SGK1: variants seen among roughly 807,000 people sequenced by gnomAD.
SGK1 encodes serine/threonine-protein kinase Sgk1.
A neutral mutation model predicts 64.2 loss-of-function variants in SGK1; 26 were observed. That is an observed-to-expected ratio of 0.40 (90% CI 0.30 to 0.56). SGK1 has a LOEUF of 0.56. Among genes scored for constraint, SGK1 ranks in the 20% least tolerant of loss-of-function variants. The pLI, the probability that SGK1 is intolerant of heterozygous loss-of-function variation, is 0.38. For missense variants in SGK1, 519 were observed against 645.6 expected (o/e 0.80, Z 2.12); for synonymous variants, 265 against 239.7 (o/e 1.11, Z -0.98).
chr6:134,254,626 G>A (rs1776653576), intron 2 of SGK1, among the ~76,000 whole-genome samples: 1 of 152,070 alleles, frequency 6.6e-6, no homozygotes, highest in South Asian at 2.1e-4. Flanking sequence ...CCTAATCACT[G>A]GCCAGTTCTA....
In SGK1 at chr6:134,297,958, T is replaced by C. The variant is rs1387742224; in HGVS notation, c.69+19434A>G. 3 of 810,070 alleles carry C rather than the reference T, an allele frequency of 3.7e-6. No homozygotes were observed. In the East Asian group the frequency reaches 7.3e-5, roughly 20 times the overall value. The allele number at this position is 810,070 out of a possible 1,614,324, so 50.2% of individuals were successfully genotyped here. On this transcript the variant is annotated intron_variant, in intron 1 of 13. Coordinates refer to ENST00000367858, the MANE Select transcript of SGK1 (RefSeq NM_001143676.3). ...TTGACCTCAGTGATGATGCCGTCCA[T>C]GTCCGGGGAGCGGCTGTTGTCCATG... is the stretch of plus-strand genomic sequence containing the variant.
chr6:134,310,375 G>A (rs1181236691), intron 1 of SGK1, among the ~76,000 whole-genome samples: 2 of 152,080 alleles, frequency 1.3e-5, no homozygotes, highest in Admixed American at 1.3e-4. Flanking sequence ...CTGCAGTACT[G>A]AGACTAATTC....
chr6:134,278,734 T>G (rs887138737), intron 1 of SGK1, among the ~76,000 whole-genome samples: 4 of 152,054 alleles, frequency 2.6e-5, no homozygotes, highest in Admixed American at 6.6e-5. Context: ...TGTCCAAGGA[T>G]TGTGTGAGGT....
At position 134,170,423 on chromosome 6, in the gene SGK1, C is replaced by T; in HGVS notation, c.1426G>A (p.Asp476Asn). 2.5e-6 allele frequency: 4 copies of T among 1,612,344 alleles called. No homozygotes were observed. Among genetic ancestry groups the T allele is most frequent in the Admixed American group, 1.7e-5 (1 of 59,950 alleles). ...AACTCGGGGTCAAAGTGCCGTAGGT[C>T]GTTGGGCCCACTCTGTGACGGGAAG... is the stretch of plus-strand genomic sequence containing the variant. ...PFNPNVSGPNDLRHFDPEFTE... is the reference protein window; with the variant it reads ...PFNPNVSGPNNLRHFDPEFTE... Residue 476 changes from aspartate (D) to asparagine (N), a missense_variant, in exon 14 of 14, where the codon GAC becomes AAC. Asp to Asn is a conservative substitution (Grantham distance 23). Transcript: ENST00000367858.
rs1437980568 is a variant in SGK1 at position 134,173,159 on chromosome 6, G to A, written c.703-5C>T. ...CTCCGACATAATATGCTTCTCCTAG[G>A]AAAATGACGATTCAGATTTAGTGGC... is the stretch of plus-strand genomic sequence containing the variant. On this transcript the variant is annotated splice_polypyrimidine_tract_variant and splice_region_variant and intron_variant, in intron 7 of 13. Transcript: ENST00000367858. The A allele has an allele frequency of 6.2e-7, 1 of 1,611,488 alleles. No individual in the cohort carries two copies. Among genetic ancestry groups the A allele is most frequent in the Non-Finnish European group, 8.5e-7 (1 of 1,178,094 alleles).
intron 2 of SGK1, among the ~76,000 whole-genome samples, chr6:134,253,524 G>A (rs1455917491): frequency 6.6e-6 from 1 of 152,072 alleles, no homozygotes; most frequent in Non-Finnish European, 1.5e-5. Flanking sequence ...GCTGGGCATG[G>A]TGGTGAAAGC....
rs1774928762 is a variant in SGK1 at position 134,169,263 on chromosome 6, C to T, written c.*1005G>A. 6.6e-6 allele frequency: 1 copy of T among 152,526 alleles called. No homozygotes were observed. Among genetic ancestry groups the T allele is most frequent in the Non-Finnish European group, 1.5e-5 (1 of 68,006 alleles). 9.4% of individuals were successfully genotyped at this position (152,526 alleles called of 1,614,324 possible). ...TGACACAATATATGTAAATATTTTTCAAGGTTTTATTGCAAACCAAAATCA... is the reference window on the plus strand; with the variant it reads ...TGACACAATATATGTAAATATTTTTTAAGGTTTTATTGCAAACCAAAATCA... On this transcript the variant is annotated 3_prime_UTR_variant, in exon 14 of 14. Transcript: ENST00000367858.
At chr6:134,255,956 TTTTC>T (rs1484102709) in intron 2 of SGK1, among the ~76,000 whole-genome samples, 2 of 152,122 alleles carry the variant, frequency 1.3e-5, no homozygotes, top group Non-Finnish European at 2.9e-5. Context: ...ATTTGCCCAT[TTTTC>T]TTTCTATTTG....
intron 2 of SGK1, among the ~76,000 whole-genome samples, chr6:134,228,655 T>C (rs1024409767): frequency 1.6e-4 from 25 of 152,208 alleles, no homozygotes; most frequent in African/African-American, 5.8e-4. Context: ...GAATGAATGA[T>C]AGACATGCTT....
chr6:134,268,873 T>C (rs892066775), intron 1 of SGK1, among the ~76,000 whole-genome samples: 1 of 144,692 alleles, frequency 6.9e-6, no homozygotes, highest in African/African-American at 2.5e-5. Context: ...GAGTGAACAG[T>C]GGGTAAACAA....
chr6:134,278,536 G>A (rs1340572593), intron 1 of SGK1, among the ~76,000 whole-genome samples: 1 of 152,118 alleles, frequency 6.6e-6, no homozygotes, highest in African/African-American at 2.4e-5. Context: ...CTCAATTTCA[G>A]TTTTATACAA....
At chr6:134,227,550 G>A (rs1776204505) in intron 2 of SGK1, among the ~76,000 whole-genome samples, 1 of 152,224 alleles carries the variant, frequency 6.6e-6, no homozygotes, top group Non-Finnish European at 1.5e-5. Context: ...TTTTAAGGCA[G>A]ATATACAAAC....
At chr6:134,297,456 C>T in intron 1 of SGK1, 1 of 656,246 alleles carries the variant, frequency 1.5e-6, no homozygotes, top group South Asian at 1.4e-5. Flanking sequence ...GCCTTTGAGA[C>T]CCTCAGTCTC....
At chr6:134,224,749 G>A (rs770629554) in intron 2 of SGK1, among the ~76,000 whole-genome samples, 15 of 151,876 alleles carry the variant, frequency 9.9e-5, no homozygotes, top group Non-Finnish European at 1.8e-4. Context: ...ATGGCCAGGC[G>A]CAGTGTCTCA....
chr6:134,211,231 A>G (rs1775884671), intron 2 of SGK1, among the ~76,000 whole-genome samples: 1 of 152,224 alleles, frequency 6.6e-6, no homozygotes, highest in Admixed American at 6.5e-5. Context: ...TATATCAGAA[A>G]GGAACAGAAG....
intron 3 of SGK1, among the ~76,000 whole-genome samples, chr6:134,187,898 G>T (rs945672865): frequency 6.6e-6 from 1 of 152,196 alleles, no homozygotes; most frequent in African/African-American, 2.4e-5. Flanking sequence ...CTGCGACCAG[G>T]TGGCTGGCAG....
chr6:134,276,173 G>T (rs1228232341), intron 1 of SGK1, among the ~76,000 whole-genome samples: 1 of 152,154 alleles, frequency 6.6e-6, no homozygotes, highest in Admixed American at 6.6e-5. Context: ...CCAACATACA[G>T]GCAATGCTGA....
intron 2 of SGK1, 163 bp downstream of exon 2, chr6:134,261,769 AT>A (rs767785667): frequency 3.1e-6 from 2 of 646,356 alleles, no homozygotes; most frequent in East Asian, 2.7e-5. Flanking sequence ...CTTTAAAAAA[AT>A]AACATAATGA....
chr6:134,246,195 C>A (rs1386906445), intron 2 of SGK1, among the ~76,000 whole-genome samples: 1 of 151,770 alleles, frequency 6.6e-6, no homozygotes, highest in Non-Finnish European at 1.5e-5. Flanking sequence ...GTTGCCCAGG[C>A]TGGAGTACAA....
Sources: gnomAD v4.1 joint callset for allele counts (sites outside exome capture counted in the v4.1 genomes callset) on GRCh38, gnomAD v4.1.1 for gene constraint, MANE v1.5 for transcripts, NCBI Gene and HGNC (gene_info 2026-07-23, HGNC 2026-07-21) for gene names.